Variants in MED12L observed in about 807,000 individuals in gnomAD.
The protein encoded by MED12L is mediator complex subunit 12L, also known as mediator of RNA polymerase II transcription subunit 12-like protein.
In MED12L, 60 loss-of-function variants were observed where a neutral mutation model predicts 281.3. The ratio of observed to expected loss-of-function variants is 0.21; its 90% confidence interval spans 0.17 to 0.26. MED12L has a LOEUF of 0.26. Ranked by LOEUF, MED12L falls within the 10% of genes least tolerant of loss-of-function variation. The pLI, the probability that MED12L is intolerant of heterozygous loss-of-function variation, is 1.00. For synonymous variants in MED12L, 974 were observed against 987.2 expected, an observed-to-expected ratio of 0.99 and a Z score of 0.25; for missense variants, 2,146 against 2,680.9, an observed-to-expected ratio of 0.80 and a Z score of 4.41.
chr3:151,377,893 A>G (rs112362635), intron 30 of MED12L, 119 bp from the exon 31 acceptor site: 11,971 of 989,270 alleles, frequency 0.012, 93 homozygotes, highest in Middle Eastern at 0.022. Context: ...AATAAAAGGG[A>G]AATTTTAGAA....
At chr3:151,361,338 A>G (rs1363079448) in intron 21 of MED12L, among the ~76,000 whole-genome samples, 2 of 152,126 alleles carry the variant, frequency 1.3e-5, no homozygotes, top group Non-Finnish European at 2.9e-5. Flanking sequence ...CATTAAATCA[A>G]TGTGCATTAA....
At chr3:151,397,304 C>A (rs1486263358) in intron 39 of MED12L, among the ~76,000 whole-genome samples, 1 of 152,154 alleles carries the variant, frequency 6.6e-6, no homozygotes, top group Non-Finnish European at 1.5e-5. Flanking sequence ...TAGGATATGT[C>A]TTTTTCTCTC....
chr3:151,088,705 G>C (rs1311429683), intron 2 of MED12L, among the ~76,000 whole-genome samples: 1 of 152,130 alleles, frequency 6.6e-6, no homozygotes, highest in East Asian at 1.9e-4. Flanking sequence ...TCTAAAACTG[G>C]AAGCGACCTT....
In MED12L at chr3:151,436,324, T is replaced by G; in HGVS notation, c.*3520T>G. Reference sequence around the variant, plus strand: ...TCCATTGTCTCTGTTCTGAGTGCCATGCTTGTAACATTGATAGGAGGTGGA... The same window carrying G: ...TCCATTGTCTCTGTTCTGAGTGCCAGGCTTGTAACATTGATAGGAGGTGGA... On this transcript the variant is annotated 3_prime_UTR_variant, in exon 45 of 45. Coordinates refer to ENST00000687756, the MANE Select transcript of MED12L (RefSeq NM_001393769.1). 5.7e-6 allele frequency: 1 copy of G among 176,476 alleles called. No homozygotes were observed. 10.9% of individuals were successfully genotyped at this position (176,476 alleles called of 1,614,324 possible). A position where few individuals can be genotyped will look rare whatever the true frequency, so the allele number is the denominator to read the frequency against.
intron 43 of MED12L, among the ~76,000 whole-genome samples, chr3:151,424,521 A>C (rs1350579529): frequency 6.6e-6 from 1 of 152,152 alleles, no homozygotes; most frequent in Non-Finnish European, 1.5e-5. Context: ...CGGGAGGCTG[A>C]GGCAGGAGAA....
chr3:151,218,590 C>T (rs1212409807), intron 16 of MED12L, among the ~76,000 whole-genome samples: 5 of 152,014 alleles, frequency 3.3e-5, no homozygotes, highest in Non-Finnish European at 7.4e-5. Context: ...ATACTGTGGC[C>T]GGGCACGGTG....
At chr3:151,394,579 T>C in intron 38 of MED12L, 77 bp from the exon 39 acceptor site, 2 of 1,581,408 alleles carry the variant, frequency 1.3e-6, no homozygotes, top group Non-Finnish European at 1.7e-6. Context: ...GAAGGTGAAA[T>C]TTCTGTGTTT....
At chr3:151,389,949 C>T (rs370836903) in intron 37 of MED12L, 30 bp from the exon 38 acceptor site, 39 of 1,610,472 alleles carry the variant, frequency 2.4e-5, no homozygotes, top group East Asian at 2.2e-4. Context: ...TGTGGAGTTA[C>T]GTAACTTTTT....
intron 16 of MED12L, among the ~76,000 whole-genome samples, chr3:151,202,864 C>T (rs1015297888): frequency 6.6e-6 from 1 of 152,120 alleles, no homozygotes; most frequent in East Asian, 1.9e-4. Context: ...TAGTTATGCT[C>T]GCTCAGGTAT....
intron 16 of MED12L, among the ~76,000 whole-genome samples, chr3:151,247,778 A>G (rs1735954074): frequency 6.6e-6 from 1 of 151,500 alleles, no homozygotes; most frequent in African/African-American, 2.4e-5. Flanking sequence ...AAAAAGCAAA[A>G]AAAAAATGAA....
intron 42 of MED12L, among the ~76,000 whole-genome samples, chr3:151,414,931 T>C (rs577576891): frequency 5.9e-5 from 9 of 152,252 alleles, no homozygotes; most frequent in Non-Finnish European, 5.9e-5. Flanking sequence ...TTGATAATTT[T>C]ACGATTAATG....
At chr3:151,258,340 A>G (rs986502137) in intron 16 of MED12L, among the ~76,000 whole-genome samples, 1 of 152,232 alleles carries the variant, frequency 6.6e-6, no homozygotes, top group Non-Finnish European at 1.5e-5. Context: ...TGCTGACAAA[A>G]TAATTTTTAG....
chr3:151,155,861 C>T (rs985107777), intron 5 of MED12L, among the ~76,000 whole-genome samples: 4 of 152,126 alleles, frequency 2.6e-5, no homozygotes, highest in African/African-American at 4.8e-5. Flanking sequence ...GGACCCAATT[C>T]GAGAGTGAAC....
intron 16 of MED12L, among the ~76,000 whole-genome samples, chr3:151,218,443 T>C (rs765711811): frequency 1.3e-5 from 2 of 152,248 alleles, no homozygotes; most frequent in Non-Finnish European, 2.9e-5. Context: ...TTACTTCTGG[T>C]ATTATCACTG....
Position 151,116,468 on chromosome 3 carries a change from A to G in MED12L, c.204+26A>G, listed in dbSNP as rs368987734. The stretch of plus-strand genomic sequence containing the variant: ...GTAATGTTATTTGTTTGTTTCCTCA[A>G]ACTCCTGAAAAAGTGTGTATATGTG... On this transcript the variant is annotated intron_variant, in intron 3 of 44. Coordinates refer to ENST00000687756, the MANE Select transcript of MED12L (RefSeq NM_001393769.1). 19 of 1,492,194 alleles carry G rather than the reference A, an allele frequency of 1.3e-5. No individual in the cohort carries two copies. The Middle Eastern group carries it at 5.1e-4, about 40-fold the overall frequency. 92.4% of individuals were successfully genotyped at this position (1,492,194 alleles called of 1,614,324 possible).
intron 16 of MED12L, among the ~76,000 whole-genome samples, chr3:151,315,638 A>G (rs1276495571): frequency 1.3e-5 from 2 of 152,194 alleles, no homozygotes. Flanking sequence ...CCCTAACTTC[A>G]TGGAGACAGT....
Position 151,208,360 on chromosome 3 carries a change from G to A in MED12L, c.2250+14694G>A, listed in dbSNP as rs144896757. ...CATAACTAACAGCTTGAAAAAAGCT[G>A]CAAGTTAAATGTAGAGACCCTTTTA... On this transcript the variant is annotated intron_variant, in intron 16 of 44. Coordinates refer to ENST00000687756, the MANE Select transcript of MED12L (RefSeq NM_001393769.1). Among the ~76,000 whole-genome samples the A allele has an allele frequency of 3.8e-3, 574 of 152,268 alleles. 5 individuals carry two copies. Among genetic ancestry groups the A allele is most frequent in the African/African-American group, 0.013 (541 of 41,560 alleles).
chr3:151,326,730 A>G (rs1190446028), intron 16 of MED12L: 1 of 152,232 alleles, frequency 6.6e-6, no homozygotes, highest in Non-Finnish European at 1.5e-5. Context: ...AGGCCATGGA[A>G]GAAAACGTGG....
At chr3:151,290,687 C>G (rs1744137751) in intron 16 of MED12L, among the ~76,000 whole-genome samples, 1 of 149,702 alleles carries the variant, frequency 6.7e-6, no homozygotes, top group Non-Finnish European at 1.5e-5. Flanking sequence ...ATTAATTATT[C>G]TCATCAAGCA....
Sources: allele counts gnomAD v4.1 joint callset (sites outside exome capture counted in the v4.1 genomes callset), GRCh38; gene constraint gnomAD v4.1.1; transcripts MANE v1.5; gene names NCBI Gene and HGNC (gene_info 2026-07-23, HGNC 2026-07-21).